The following PDZD7 variants were observed in gnomAD, a reference collection of about 807,000 sequenced individuals.
PDZD7 encodes PDZ domain-containing protein 7.
Under a neutral mutation model 84.7 loss-of-function variants are expected in PDZD7, and 72 were observed. The ratio of observed to expected loss-of-function variants is 0.85; its 90% CI spans 0.70 to 1.03. PDZD7 has a LOEUF of 1.03. PDZD7 is among the 50% of genes least tolerant of loss of function. The probability of loss-of-function intolerance (pLI) is 0.00; values close to 1 mark genes in which losing one functional copy is unlikely to be tolerated. For missense variants in PDZD7, 1,490 were observed against 1,412.9 expected (o/e 1.05, Z -0.87); for synonymous variants, 594 against 580.7 (o/e 1.02, Z -0.33).
intron 16 of PDZD7, 122 bp from the exon 17 acceptor site, chr10:101,008,972 G>A: frequency 7.9e-7 from 1 of 1,270,060 alleles, no homozygotes; most frequent in Non-Finnish European, 1.1e-6. Context: ...TCTGGGTGGA[G>A]GGGATGGACA....
intron 2 of PDZD7, among the ~76,000 whole-genome samples, chr10:101,029,067 A>T (rs975175066): frequency 2.0e-5 from 3 of 152,152 alleles, no homozygotes; most frequent in Non-Finnish European, 4.4e-5. Context: ...AGAGGAGAGG[A>T]GCTGGAGATA....
Position 101,018,176 on chromosome 10 carries a change from C to A in PDZD7, c.1445G>T (p.Arg482Leu). The A allele has an allele frequency of 6.2e-7, 1 of 1,614,230 alleles. No homozygotes were observed. Among genetic ancestry groups the A allele is most frequent in the Non-Finnish European group, 8.5e-7 (1 of 1,180,050 alleles). ...TGTCCAGGCCTCTCTGCGCCCGTCC[C>A]GCGCTAGCCTCCCCTGCCGCCCTCC... Reference protein sequence around the residue: ...FKGGRQGRLARDGRREAWTLD... With the variant: ...FKGGRQGRLALDGRREAWTLD... Residue 482 changes from arginine to leucine, a missense_variant, in exon 9 of 17, where the codon CGG becomes CTG. Physicochemically the swap from Arg to Leu is moderately radical, Grantham distance 102 (BLOSUM62 -2). Coordinates refer to ENST00000619208, the MANE Select transcript of PDZD7 (RefSeq NM_001195263.2).
In PDZD7 at chr10:101,008,244, C is replaced by G. The variant is rs992317311; in HGVS notation, c.*223G>C. The G allele has an allele frequency of 2.0e-5, 11 of 561,048 alleles. No homozygotes were observed. Among genetic ancestry groups the G allele is most frequent in the Non-Finnish European group, 2.8e-5 (9 of 323,416 alleles). The allele number at this position is 561,048 out of a possible 1,614,324, so 34.8% of individuals were successfully genotyped here. ...TTGGGAGGTTGGGGAGCAGTGAGTG[C>G]AGGTGACACAGGCTGCCCACTAGCA... is the stretch of plus-strand genomic sequence containing the variant. On this transcript the variant is annotated 3_prime_UTR_variant, in exon 17 of 17. Coordinates refer to ENST00000619208, the MANE Select transcript of PDZD7 (RefSeq NM_001195263.2).
chr10:101,009,281 C>A lies in PDZD7; in HGVS notation c.2687G>T (p.Gly896Val). 1 of 1,536,002 alleles carries A rather than the reference C, an allele frequency of 6.5e-7. No homozygotes were observed. Among genetic ancestry groups the A allele is most frequent in the Non-Finnish European group, 8.7e-7 (1 of 1,146,814 alleles). The change falls in exon 16 of 17, where the codon GGG becomes GTG. Residue 896 changes from glycine to valine, a missense_variant. Coordinates refer to ENST00000619208, the MANE Select transcript of PDZD7 (RefSeq NM_001195263.2). ...GGCCCCACTGAGGAAAGCGGCCCCC[C>A]CAGGGAAGATCTTCTCTATCTTCAC... ...PMVKIEKIFP[G>V]GAAFLSGALQ...
chr10:101,015,488 G>T, intron 11 of PDZD7, 148 bp downstream of exon 11: 1 of 792,582 alleles, frequency 1.3e-6, no homozygotes, highest in Non-Finnish European at 1.9e-6. Context: ...GTGTGTGTGT[G>T]TGTGACAGGA....
chr10:101,008,787 C>CT lies in PDZD7; in HGVS notation c.2781dup (p.Val928SerfsTer33). The CT allele has an allele frequency of 6.5e-7, 1 of 1,532,334 alleles. No homozygotes were observed. The highest frequency in any genetic ancestry group is 8.7e-7 in the Non-Finnish European group (1 of 1,143,934). 94.9% of individuals were successfully genotyped at this position (1,532,334 alleles called of 1,614,324 possible). The stretch of plus-strand genomic sequence containing the variant: ...CGATAAGCCCGACGGATGGTGTCTA[C>CT]TGCACGCTGGTGGGTCACCTGCTCT... On this transcript the variant is annotated frameshift_variant, in exon 17 of 17. Transcript: ENST00000619208. LOFTEE classifies it low-confidence loss of function (END_TRUNC).
intron 2 of PDZD7, among the ~76,000 whole-genome samples, chr10:101,026,671 AC>A (rs1937723985): frequency 8.2e-6 from 1 of 121,656 alleles, no homozygotes; most frequent in African/African-American, 3.5e-5. Context: ...AATCACACAC[AC>A]ACACACACAC....
chr10:101,019,179 C>T lies in PDZD7; in HGVS notation c.967G>A (p.Glu323Lys). Residue 323 changes from glutamate (E) to lysine (K), a missense_variant, in exon 8 of 17, where the codon GAG becomes AAG. Physicochemically the swap from Glu to Lys is moderately conservative, Grantham distance 56. Transcript: ENST00000619208. ...GVLQQLSPAS[E>K]SSSSVSSCAS... is the part of the protein sequence containing the mutation. ...CACGAAGAGACGCTGGAGCTGCTCT[C>T]AGAGGCCGGGGACAGCTGCTGCAGC... The T allele has an allele frequency of 6.5e-7, 1 of 1,536,932 alleles. No homozygotes were observed. Among genetic ancestry groups the T allele is most frequent in the Non-Finnish European group, 8.7e-7 (1 of 1,147,296 alleles).
intron 11 of PDZD7, 138 bp downstream of exon 11, chr10:101,015,498 A>T: frequency 7.6e-6 from 7 of 915,518 alleles, no homozygotes; most frequent in Non-Finnish European, 8.0e-6. Context: ...GTGTGACAGG[A>T]GTGACTTCTG....
In PDZD7 at chr10:101,012,265, A is replaced by G; in HGVS notation, c.1750-7T>C. ...TGCCTCCCTCGTGCACATACTGCAG[A>G]TAGAGGCAGCACAGGTCAGACAGCA... is the stretch of plus-strand genomic sequence containing the variant. On this transcript the variant is annotated splice_polypyrimidine_tract_variant and splice_region_variant and intron_variant, in intron 11 of 16. Coordinates refer to ENST00000619208, the MANE Select transcript of PDZD7 (RefSeq NM_001195263.2). 6.5e-7 allele frequency: 1 copy of G among 1,548,850 alleles called. No individual in the cohort carries two copies. Among genetic ancestry groups the G allele is most frequent in the South Asian group, 1.2e-5 (1 of 84,042 alleles).
intron 2 of PDZD7, among the ~76,000 whole-genome samples, chr10:101,026,438 G>A (rs1937704895): frequency 2.1e-5 from 3 of 142,294 alleles, no homozygotes; most frequent in Non-Finnish European, 3.1e-5. Flanking sequence ...CCCAGGCCAG[G>A]TAAGGTTTCT....
intron 9 of PDZD7, 62 bp from the exon 10 acceptor site, chr10:101,016,489 G>T (rs888089160): frequency 8.0e-6 from 12 of 1,505,720 alleles, no homozygotes; most frequent in Non-Finnish European, 1.1e-5. Context: ...TGGGGTTCAG[G>T]AGGGCTCAGG....
rs553252401 is a variant in PDZD7, at chr10:101,024,185, G to A, written c.227-117C>T. ...TTGCTGGGCACAGTCACACAGGCAC[G>A]TAGGGGCCTAAATGCAGTGGGGCAG... On this transcript the variant is annotated intron_variant, in intron 2 of 16. Transcript: ENST00000619208. 83 of 1,426,576 alleles carry A rather than the reference G, an allele frequency of 5.8e-5. No individual in the cohort carries two copies. In the East Asian group the frequency reaches 9.1e-4, roughly 16 times the overall value. 88.4% of individuals were successfully genotyped at this position (1,426,576 alleles called of 1,614,324 possible).
At chr10:101,017,902 AAGAAAG>A in intron 9 of PDZD7, 191 bp downstream of exon 9, 1 of 472,138 alleles carries the variant, frequency 2.1e-6, no homozygotes, top group Non-Finnish European at 3.8e-6. Context: ...AAAAGAAAGA[AAGAAAG>A]AAAGAAAAGA....
At position 101,024,052 on chromosome 10, in the gene PDZD7, A is replaced by T; in HGVS notation, c.243T>A (p.Ser81Arg). 6.2e-7 allele frequency: 1 copy of T among 1,614,242 alleles called. No homozygotes were observed. Among genetic ancestry groups the T allele is most frequent in the Non-Finnish European group, 8.5e-7 (1 of 1,180,048 alleles). ...CCACCCGGACTGAATGGATGATGTC[A>T]CTTTCATCACTGTTGGCTGTGAGGA... Reference protein sequence around the residue: ...NSPIEANSDESDIIHSVRVEK... With the variant: ...NSPIEANSDERDIIHSVRVEK... Residue 81 changes from serine (S) to arginine (R), a missense_variant, in exon 3 of 17, where the codon AGT becomes AGA. Transcript: ENST00000619208.
rs1042478798 is a variant in PDZD7, at chr10:101,015,721, T to C, written c.1664A>G (p.Glu555Gly). ...PNVDEQVQAW[E>G]SRRPLIQDLA... ...GTCCTGAATGAGGGGCCGCCGGCTCTCCCAGGCCTGAACCTGCTCATCCAC... is the reference window on the plus strand; with the variant it reads ...GTCCTGAATGAGGGGCCGCCGGCTCCCCCAGGCCTGAACCTGCTCATCCAC... Residue 555 changes from glutamate (E) to glycine (G), a missense_variant, in exon 11 of 17, where the codon GAG (glutamate) becomes GGG (glycine). Glu to Gly is a moderately conservative substitution (Grantham distance 98). Coordinates refer to ENST00000619208, the MANE Select transcript of PDZD7 (RefSeq NM_001195263.2). The C allele has an allele frequency of 1.3e-6, 2 of 1,550,144 alleles. No individual in the cohort carries two copies. Among genetic ancestry groups the C allele is most frequent in the Non-Finnish European group, 1.7e-6 (2 of 1,146,962 alleles).
intron 9 of PDZD7, among the ~76,000 whole-genome samples, chr10:101,016,707 C>A (rs1852646549): frequency 6.6e-6 from 1 of 152,150 alleles, no homozygotes; most frequent in African/African-American, 2.4e-5. Flanking sequence ...GGAAGAACCT[C>A]AGGGACAGAG....
In PDZD7 at chr10:101,022,473, G is replaced by A. The variant is rs1046061030; in HGVS notation, c.543-88C>T. 27 of 1,542,460 alleles carry A rather than the reference G, an allele frequency of 1.8e-5. No individual in the cohort carries two copies. The African/African-American group carries it at 2.7e-4, about 16-fold the overall frequency. ...AGCAGTTCTGACAACTGCAGGGAAA[G>A]TGGGGGTTGCCTTTGGGGGACTCCC... On this transcript the variant is annotated intron_variant, in intron 4 of 16. Coordinates refer to ENST00000619208, the MANE Select transcript of PDZD7 (RefSeq NM_001195263.2).
intron 9 of PDZD7, 51 bp downstream of exon 9, chr10:101,018,048 G>C (rs1852800333): frequency 6.2e-7 from 1 of 1,611,270 alleles, no homozygotes; most frequent in Admixed American, 1.7e-5. Flanking sequence ...GCTGAATGCC[G>C]AAGCTAGTGG....
Sources: gnomAD v4.1 joint callset for allele counts (sites outside exome capture counted in the v4.1 genomes callset) on GRCh38, gnomAD v4.1.1 for gene constraint, MANE v1.5 for transcripts, NCBI Gene and HGNC (gene_info 2026-07-23, HGNC 2026-07-21) for gene names.